DNAH11: variants seen among roughly 807,000 people sequenced by gnomAD.
DNAH11 encodes the protein axonemal beta dynein heavy chain 11.
Under a neutral mutation model 526.0 loss-of-function variants are expected in DNAH11, and 442 were observed. The observed-to-expected ratio is 0.84, with a 90% CI of 0.78 to 0.91. DNAH11 has a LOEUF of 0.91. DNAH11 is among the 40% of genes least tolerant of loss of function. The pLI, the probability that DNAH11 is intolerant of heterozygous loss-of-function variation, is 0.00. For missense variants in DNAH11, 6,989 were observed against 5,448.7 expected (o/e 1.28, Z -8.90); for synonymous variants, 2,461 against 1,935.9 (o/e 1.27, Z -7.12).
chr7:21,851,651 AAAG>A (rs1217856648), intron 66 of DNAH11: 4 of 471,260 alleles, frequency 8.5e-6, no homozygotes, highest in South Asian at 6.2e-5. Context: ...GGTAAAACTC[AAAG>A]AAGTGTAGAG....
At chr7:21,623,121 AG>A (rs1349478012) in intron 25 of DNAH11, among the ~76,000 whole-genome samples, 1 of 152,084 alleles carries the variant, frequency 6.6e-6, no homozygotes, top group African/African-American at 2.4e-5. Context: ...CAAATTTACA[AG>A]AAAAAAACAA....
At chr7:21,839,796 G>C (rs1443833256) in intron 65 of DNAH11, among the ~76,000 whole-genome samples, 1 of 152,004 alleles carries the variant, frequency 6.6e-6, no homozygotes, top group Non-Finnish European at 1.5e-5. Context: ...TTCAAGTTTA[G>C]ACACTTAATC....
intron 46 of DNAH11, among the ~76,000 whole-genome samples, chr7:21,737,060 A>T (rs548365070): frequency 2.0e-5 from 3 of 152,316 alleles, no homozygotes; most frequent in East Asian, 3.9e-4. Flanking sequence ...GAGATGGCCT[A>T]TTAGTGCGAG....
At chr7:21,681,838 G>A in intron 31 of DNAH11, 161 bp downstream of exon 31, 1 of 922,766 alleles carries the variant, frequency 1.1e-6, no homozygotes, top group South Asian at 1.3e-5. Flanking sequence ...ATTTTGGTTA[G>A]CCAATATATT....
intron 20 of DNAH11, among the ~76,000 whole-genome samples, chr7:21,610,045 G>A (rs1785453605): frequency 6.6e-6 from 1 of 152,156 alleles, no homozygotes; most frequent in Admixed American, 6.5e-5. Flanking sequence ...ACAAGGTCAG[G>A]AGATGGAGAC....
In DNAH11 at chr7:21,702,758, G is replaced by C; in HGVS notation, c.6229G>C (p.Ala2077Pro). 6.2e-7 allele frequency: 1 copy of C among 1,613,606 alleles called. No individual in the cohort carries two copies. The highest frequency in any genetic ancestry group is 8.5e-7 in the Non-Finnish European group (1 of 1,179,744). Residue 2077 changes from alanine to proline, a missense_variant, in exon 37 of 82, where the codon GCT (alanine) becomes CCT (proline). Coordinates refer to ENST00000409508, the MANE Select transcript of DNAH11 (RefSeq NM_001277115.2). ...LRAIKSVLVV[A>P]GSLKRGDKNR... ...TGCTATTAAGTCTGTCTTGGTTGTG[G>C]CTGGATCTCTGAAACGAGGAGATAA... is the stretch of plus-strand genomic sequence containing the variant.
At chr7:21,812,657 A>G (rs1789580738) in intron 63 of DNAH11, among the ~76,000 whole-genome samples, 1 of 152,112 alleles carries the variant, frequency 6.6e-6, no homozygotes, top group South Asian at 2.1e-4. Flanking sequence ...TTATTTCAAA[A>G]AGAAAGAAAA....
At chr7:21,794,448 C>G (rs1005670299) in intron 61 of DNAH11, among the ~76,000 whole-genome samples, 3 of 152,192 alleles carry the variant, frequency 2.0e-5, no homozygotes, top group African/African-American at 4.8e-5. Flanking sequence ...TTCTAGATCA[C>G]TGCTTCCTTT....
At position 21,658,993 on chromosome 7, in the gene DNAH11, G is replaced by A. The variant is rs1434711784; in HGVS notation, c.5290G>A (p.Gly1764Ser). 1 of 1,607,948 alleles carries A rather than the reference G, an allele frequency of 6.2e-7. No individual in the cohort carries two copies. The highest frequency in any genetic ancestry group is 8.5e-7 in the Non-Finnish European group (1 of 1,177,326). The part of the protein sequence containing the change: ...VGIAFSRLEE[G>S]YETALKDFHK... ...AATAGCCTTCAGTAGACTGGAAGAA[G>A]GCTACGAAACAGCCCTGAAGGATTT... Residue 1764 changes from glycine to serine, a missense_variant, in exon 30 of 82, where the codon GGC becomes AGC. Coordinates refer to ENST00000409508, the MANE Select transcript of DNAH11 (RefSeq NM_001277115.2).
intron 65 of DNAH11, among the ~76,000 whole-genome samples, chr7:21,824,225 A>T (rs1737037747): frequency 6.6e-6 from 1 of 152,116 alleles, no homozygotes; most frequent in African/African-American, 2.4e-5. Context: ...AAAATACATA[A>T]TATATGAAGT....
chr7:21,775,560 G>A (rs754888399), intron 56 of DNAH11, among the ~76,000 whole-genome samples: 45 of 151,848 alleles, frequency 3.0e-4, no homozygotes, highest in Admixed American at 1.8e-3. Flanking sequence ...TGAGGTTACA[G>A]TGTGTTGAGT....
chr7:21,864,022 A>G (rs986545197), intron 69 of DNAH11, among the ~76,000 whole-genome samples: 2 of 152,204 alleles, frequency 1.3e-5, no homozygotes, highest in Non-Finnish European at 2.9e-5. Flanking sequence ...AGTTTATTCC[A>G]CTTCACAATG....
chr7:21,800,263 A>T (rs1788915002), intron 61 of DNAH11, among the ~76,000 whole-genome samples: 1 of 152,070 alleles, frequency 6.6e-6, no homozygotes, highest in East Asian at 1.9e-4. Context: ...CAGCCCTGTG[A>T]TTCACACATC....
chr7:21,623,498 A>G (rs1404166448), intron 25 of DNAH11, among the ~76,000 whole-genome samples: 2 of 152,214 alleles, frequency 1.3e-5, no homozygotes, highest in Non-Finnish European at 2.9e-5. Context: ...TCATGCTGCT[A>G]TAAAGACACA....
At chr7:21,772,713 T>G (rs374444111) in intron 55 of DNAH11, among the ~76,000 whole-genome samples, 37 of 152,348 alleles carry the variant, frequency 2.4e-4, no homozygotes, top group Middle Eastern at 3.4e-3. Context: ...GAGATGGATT[T>G]TTAATACGCA....
intron 74 of DNAH11, among the ~76,000 whole-genome samples, chr7:21,877,469 C>G (rs770927604): frequency 7.2e-5 from 11 of 152,188 alleles, no homozygotes; most frequent in Non-Finnish European, 1.3e-4. Flanking sequence ...TTGTTTAATA[C>G]TAGTGCTTTA....
intron 75 of DNAH11, among the ~76,000 whole-genome samples, chr7:21,881,143 T>C (rs1044054972): frequency 3.9e-5 from 6 of 152,280 alleles, no homozygotes; most frequent in African/African-American, 7.2e-5. Context: ...ACAAAAAATG[T>C]CCTTCATTAT....
chr7:21,567,347 A>G (rs1055306856), intron 6 of DNAH11, among the ~76,000 whole-genome samples: 1 of 152,146 alleles, frequency 6.6e-6, no homozygotes, highest in Non-Finnish European at 1.5e-5. Context: ...TTTATTGATA[A>G]AGTTTTTGTG....
At chr7:21,553,285 G>A (rs991307302) in intron 2 of DNAH11, among the ~76,000 whole-genome samples, 4 of 151,626 alleles carry the variant, frequency 2.6e-5, no homozygotes, top group African/African-American at 9.7e-5. Context: ...ATCATGTTTT[G>A]ACCCAGGATG....
Sources: gnomAD v4.1 joint callset for allele counts (sites outside exome capture counted in the v4.1 genomes callset) on GRCh38, gnomAD v4.1.1 for gene constraint, MANE v1.5 for transcripts, NCBI Gene and HGNC (gene_info 2026-07-23, HGNC 2026-07-21) for gene names.